MMADHC: variants seen among roughly 807,000 people sequenced by gnomAD.
MMADHC encodes cobalamin trafficking protein CblD.
Under a neutral mutation model 36.3 loss-of-function variants are expected in MMADHC, and 23 were observed. The ratio of observed to expected loss-of-function variants is 0.63; its 90% CI spans 0.46 to 0.90. MMADHC has a LOEUF of 0.90. Ranked by LOEUF, MMADHC falls within the 40% of genes least tolerant of loss-of-function variation. MMADHC has a pLI of 0.00. For synonymous variants in MMADHC, 97 were observed against 116.1 expected, an observed-to-expected ratio of 0.84 and a Z score of 1.06; for missense variants, 330 against 348.0, an observed-to-expected ratio of 0.95 and a Z score of 0.41.
At chr2:149,575,159 T>C (rs543112183) in intron 6 of MMADHC, among the ~76,000 whole-genome samples, 19 of 152,310 alleles carry the variant, frequency 1.2e-4, no homozygotes, top group African/African-American at 4.3e-4. Flanking sequence ...GCAGATTTTA[T>C]AAAGAATGAA....
At chr2:149,575,599 T>G (rs1010310010) in intron 6 of MMADHC, 112 bp downstream of exon 6, 1 of 902,032 alleles carries the variant, frequency 1.1e-6, no homozygotes, top group Non-Finnish European at 1.6e-6. Context: ...TTATAATACT[T>G]TGGCAGAAAA....
chr2:149,571,183 G>A lies in MMADHC; in HGVS notation c.610-12C>T. ...GCACCATTGATGAACTGCAATGGAA[G>A]TCACAAATAATATGCTTAAGATAGC... is the stretch of plus-strand genomic sequence containing the variant. On this transcript the variant is annotated splice_polypyrimidine_tract_variant and intron_variant, in intron 6 of 7. Coordinates refer to ENST00000303319, the MANE Select transcript of MMADHC (RefSeq NM_015702.3). The A allele has an allele frequency of 1.9e-6, 3 of 1,558,304 alleles. No individual in the cohort carries two copies. Among genetic ancestry groups the A allele is most frequent in the South Asian group, 1.1e-5 (1 of 87,396 alleles).
intron 6 of MMADHC, among the ~76,000 whole-genome samples, chr2:149,575,418 A>T (rs1391213275): frequency 6.6e-6 from 1 of 150,678 alleles, no homozygotes; most frequent in Non-Finnish European, 1.5e-5. Flanking sequence ...AGGGAGGGGG[A>T]GGCTGAGGGG....
intron 1 of MMADHC, 85 bp from the exon 2 acceptor site, chr2:149,587,234 G>A: frequency 1.2e-6 from 1 of 851,574 alleles, no homozygotes; most frequent in East Asian, 2.5e-5. Flanking sequence ...CTTCGAAGGT[G>A]TGTCGTCCAC....
chr2:149,585,555 C>T (rs1223199606), intron 2 of MMADHC, among the ~76,000 whole-genome samples: 4 of 152,202 alleles, frequency 2.6e-5, no homozygotes, highest in Admixed American at 1.3e-4. Flanking sequence ...TTCTTGAAAA[C>T]TCAGAAGATC....
intron 2 of MMADHC, among the ~76,000 whole-genome samples, chr2:149,584,609 A>G (rs191329129): frequency 2.0e-5 from 3 of 152,246 alleles, no homozygotes; most frequent in African/African-American, 7.2e-5. Flanking sequence ...ATATAATAAA[A>G]TATGAGTTTT....
At chr2:149,571,268 A>G (rs1682635051) in intron 6 of MMADHC, 97 bp from the exon 7 acceptor site, 1 of 722,840 alleles carries the variant, frequency 1.4e-6, no homozygotes, top group Non-Finnish European at 2.2e-6. Flanking sequence ...GTTTCAGAAA[A>G]GAACTCAAGA....
At chr2:149,582,984 A>G (rs1434265001) in intron 2 of MMADHC, among the ~76,000 whole-genome samples, 1 of 152,186 alleles carries the variant, frequency 6.6e-6, no homozygotes, top group Non-Finnish European at 1.5e-5. Flanking sequence ...TTGGTAAATA[A>G]AGTTTTACTG....
At chr2:149,584,998 C>T (rs1047669171) in intron 2 of MMADHC, among the ~76,000 whole-genome samples, 2 of 149,890 alleles carry the variant, frequency 1.3e-5, no homozygotes, top group Admixed American at 6.6e-5. Context: ...GCAGAGATCC[C>T]GCCATTGCAC....
intron 2 of MMADHC, among the ~76,000 whole-genome samples, chr2:149,583,476 G>A (rs1050588523): frequency 6.6e-6 from 1 of 152,174 alleles, no homozygotes; most frequent in Non-Finnish European, 1.5e-5. Context: ...AGATGGTAAA[G>A]GGCTTGTTAC....
intron 6 of MMADHC, among the ~76,000 whole-genome samples, chr2:149,574,084 A>G (rs1418324524): frequency 6.6e-6 from 1 of 152,118 alleles, no homozygotes; most frequent in Non-Finnish European, 1.5e-5. Flanking sequence ...CAAAATTAAA[A>G]CTCTCAAGAT....
intron 2 of MMADHC, among the ~76,000 whole-genome samples, chr2:149,583,099 T>C (rs904203514): frequency 6.6e-6 from 1 of 152,128 alleles, no homozygotes; most frequent in African/African-American, 2.4e-5. Context: ...AAGCCTAAAA[T>C]ATGCACTATC....
chr2:149,575,690 A>G, intron 6 of MMADHC, 21 bp downstream of exon 6: 1 of 1,566,160 alleles, frequency 6.4e-7, no homozygotes, highest in Non-Finnish European at 8.7e-7. Context: ...AAATTAAATT[A>G]TTAGCAATTG....
intron 4 of MMADHC, among the ~76,000 whole-genome samples, chr2:149,578,253 G>A (rs1682744777): frequency 1.3e-5 from 2 of 152,174 alleles, no homozygotes; most frequent in Non-Finnish European, 2.9e-5. Flanking sequence ...AGCAACTTGA[G>A]AGATAAAAGC....
chr2:149,583,937 A>G (rs1417733603), intron 2 of MMADHC, among the ~76,000 whole-genome samples: 3 of 152,138 alleles, frequency 2.0e-5, no homozygotes. Flanking sequence ...GTTCTAGAAA[A>G]TTCTAGCAAA....
intron 5 of MMADHC, among the ~76,000 whole-genome samples, chr2:149,576,204 A>G (rs1682714222): frequency 6.6e-6 from 1 of 152,182 alleles, no homozygotes; most frequent in African/African-American, 2.4e-5. Context: ...AATGACTTTA[A>G]TTTAGCCTTA....
chr2:149,575,863 C>T (rs12232959), intron 5 of MMADHC, 22 bp from the exon 6 acceptor site: 1 of 1,556,834 alleles, frequency 6.4e-7, no homozygotes, highest in Non-Finnish European at 8.8e-7. Context: ...AATAAACATT[C>T]CAGGTAGAAA....
chr2:149,570,775 C>G (rs752050608), intron 7 of MMADHC, among the ~76,000 whole-genome samples: 1 of 152,138 alleles, frequency 6.6e-6, no homozygotes, highest in African/African-American at 2.4e-5. Flanking sequence ...CTAGACTGTA[C>G]CAATTTATAA....
rs547051493 is a variant in MMADHC, at chr2:149,574,101, C to T, written c.609+1610G>A. 4.6e-5 allele frequency among the ~76,000 whole-genome samples: 7 copies of T among 152,116 alleles called. No individual in the cohort carries two copies. In the East Asian group the frequency reaches 5.8e-4, roughly 13 times the overall value. ...AAATTAAAACTCTCAAGATGAAGCA[C>T]GTTGCCATTCAAACTGGTTATAGGA... is the stretch of plus-strand genomic sequence containing the variant. On this transcript the variant is annotated intron_variant, in intron 6 of 7. Coordinates refer to ENST00000303319, the MANE Select transcript of MMADHC (RefSeq NM_015702.3).
Sources: gnomAD v4.1 joint callset for allele counts (sites outside exome capture counted in the v4.1 genomes callset) on GRCh38, gnomAD v4.1.1 for gene constraint, MANE v1.5 for transcripts, NCBI Gene and HGNC (gene_info 2026-07-23, HGNC 2026-07-21) for gene names.